MAPKAP1: variants seen among roughly 807,000 people sequenced by gnomAD.
The protein encoded by MAPKAP1 is MAPK associated protein 1, also known as target of rapamycin complex 2 subunit MAPKAP1.
MAPKAP1 carries 20 observed loss-of-function variants against 65.7 expected under a neutral mutation model. That is an observed-to-expected ratio of 0.30 (90% CI 0.21 to 0.44). The LOEUF (loss-of-function observed/expected upper bound fraction) is 0.44, where lower values mean the gene tolerates loss of function less well. MAPKAP1 is among the 20% of genes least tolerant of loss of function. The pLI is 1.00. For missense variants in MAPKAP1, 423 were observed against 648.0 expected, an observed-to-expected ratio of 0.65 and a Z score of 3.77; for synonymous variants, 222 against 244.3, an observed-to-expected ratio of 0.91 and a Z score of 0.85.
At chr9:125,654,629 A>G (rs1833981450) in intron 4 of MAPKAP1, among the ~76,000 whole-genome samples, 2 of 152,320 alleles carry the variant, frequency 1.3e-5, no homozygotes, top group Non-Finnish European at 2.9e-5. Context: ...CTGTTTTAAA[A>G]AGCTTTTTAT....
chr9:125,688,404 C>A (rs986422460), intron 1 of MAPKAP1, among the ~76,000 whole-genome samples: 1 of 152,240 alleles, frequency 6.6e-6, no homozygotes, highest in African/African-American at 2.4e-5. Flanking sequence ...TCCCAAAGTA[C>A]GGGGGTTACA....
intron 10 of MAPKAP1, among the ~76,000 whole-genome samples, chr9:125,458,924 A>C (rs1327919429): frequency 1.9e-5 from 1 of 52,498 alleles, no homozygotes; most frequent in Non-Finnish European, 3.5e-5. Context: ...TGACCCCCCC[A>C]CCTCCCTCCC....
intron 1 of MAPKAP1, among the ~76,000 whole-genome samples, chr9:125,678,344 G>A (rs983250257): frequency 1.3e-5 from 2 of 151,774 alleles, no homozygotes; most frequent in South Asian, 4.2e-4. Context: ...CCGGGTTCAC[G>A]CCACTCTCCT....
At chr9:125,473,265 G>T (rs148587608) in intron 9 of MAPKAP1, among the ~76,000 whole-genome samples, 1 of 152,140 alleles carries the variant, frequency 6.6e-6, no homozygotes, top group African/African-American at 2.4e-5. Context: ...AGAGCACGGG[G>T]GCTGGCCGGG....
chr9:125,700,685 T>A (rs1019226780), intron 1 of MAPKAP1, among the ~76,000 whole-genome samples: 4 of 152,260 alleles, frequency 2.6e-5, no homozygotes, highest in Non-Finnish European at 5.9e-5. Flanking sequence ...CTAGAGTTAA[T>A]AAATTTTGAA....
At chr9:125,480,687 T>C (rs1303098268) in intron 9 of MAPKAP1, among the ~76,000 whole-genome samples, 1 of 152,120 alleles carries the variant, frequency 6.6e-6, no homozygotes, top group Non-Finnish European at 1.5e-5. Context: ...AATATGCTTC[T>C]ATGGGCCGGG....
At chr9:125,585,762 A>G (rs1399296411) in intron 4 of MAPKAP1, 35 bp from the exon 5 acceptor site, 1 of 1,603,912 alleles carries the variant, frequency 6.2e-7, no homozygotes. Flanking sequence ...AGCAAAGCAC[A>G]CTGCCAGTTA....
At chr9:125,646,553 A>T (rs1373371733) in intron 4 of MAPKAP1, among the ~76,000 whole-genome samples, 1 of 152,230 alleles carries the variant, frequency 6.6e-6, no homozygotes, top group Non-Finnish European at 1.5e-5. Flanking sequence ...ATAATGATAA[A>T]ACCTTCCTTA....
chr9:125,453,900 A>G (rs1280716564), intron 10 of MAPKAP1, among the ~76,000 whole-genome samples: 1 of 152,256 alleles, frequency 6.6e-6, no homozygotes, highest in African/African-American at 2.4e-5. Flanking sequence ...TTTTCACCTG[A>G]AAGTTTGAAC....
At chr9:125,527,810 C>T (rs559194388) in intron 7 of MAPKAP1, among the ~76,000 whole-genome samples, 5 of 152,308 alleles carry the variant, frequency 3.3e-5, no homozygotes, top group South Asian at 2.1e-4. Context: ...CACATCATTA[C>T]GGGAATCTGG....
In MAPKAP1 at chr9:125,628,904, AAC is replaced by A. The variant is rs1833190679; in HGVS notation, c.498+28745_498+28746del. ...CAACAACAAGAACAACAACAACAAA[AAC>A]AATTTAAAATGGGCAAAGGACTTGC... On this transcript the variant is annotated intron_variant, in intron 4 of 11. Coordinates refer to ENST00000265960, the MANE Select transcript of MAPKAP1 (RefSeq NM_001006617.3). Among the ~76,000 whole-genome samples the A allele has an allele frequency of 2.6e-5, 4 of 152,282 alleles. No homozygotes were observed. In the South Asian group the frequency reaches 8.3e-4, roughly 32 times the overall value.
In MAPKAP1 at chr9:125,609,480, A is replaced by ATTTG. The variant is rs556292076; in HGVS notation, c.499-23757_499-23754dup. The stretch of plus-strand genomic sequence containing the variant: ...TTTCACCTGCCAAGCTTCTTTATTT[A>ATTTG]TTTGTTTGTTTGTTTGTTTTTAAGA... On this transcript the variant is annotated intron_variant, in intron 4 of 11. Transcript: ENST00000265960. 1.0e-3 allele frequency among the ~76,000 whole-genome samples: 158 copies of ATTTG among 152,148 alleles called. 1 individual carries two copies. The highest frequency in any genetic ancestry group is 4.5e-3 in the Admixed American group (69 of 15,270).
intron 10 of MAPKAP1, among the ~76,000 whole-genome samples, chr9:125,464,204 T>TTTAAA (rs1554805633): frequency 6.0e-5 from 5 of 83,300 alleles, no homozygotes; most frequent in Non-Finnish European, 1.2e-4. Flanking sequence ...TCTCATATAT[T>TTTAAA]AAAAAAAAAA....
intron 1 of MAPKAP1, among the ~76,000 whole-genome samples, chr9:125,680,089 T>TC (rs1834776874): frequency 6.9e-6 from 1 of 144,136 alleles, no homozygotes; most frequent in Admixed American, 6.7e-5. Flanking sequence ...ATGCGAGATT[T>TC]TTTTTTTTTT....
At chr9:125,629,783 AAAAAG>A (rs1833224134) in intron 4 of MAPKAP1, among the ~76,000 whole-genome samples, 1 of 152,200 alleles carries the variant, frequency 6.6e-6, no homozygotes, top group South Asian at 2.1e-4. Flanking sequence ...CTGAAAAATA[AAAAAG>A]AAAAGAAGAC....
intron 1 of MAPKAP1, among the ~76,000 whole-genome samples, chr9:125,696,643 T>G (rs988316348): frequency 6.6e-6 from 1 of 151,948 alleles, no homozygotes; most frequent in Non-Finnish European, 1.5e-5. Flanking sequence ...GCTTATCTAG[T>G]CAGAAGCAGC....
Position 125,693,848 on chromosome 9 carries a change from C to T in MAPKAP1, c.-70+13123G>A, listed in dbSNP as rs7035743. Among the ~76,000 whole-genome samples the T allele has an allele frequency of 1.4e-3, 157 of 110,428 alleles. 1 individual carries two copies. Among genetic ancestry groups the T allele is most frequent in the African/African-American group, 7.5e-3 (107 of 14,214 alleles). 72.4% of individuals were successfully genotyped at this position (110,428 alleles called of 152,430 possible). A position where few individuals can be genotyped will look rare whatever the true frequency, so the allele number is the denominator to read the frequency against. On this transcript the variant is annotated intron_variant, in intron 1 of 11. Coordinates refer to ENST00000265960, the MANE Select transcript of MAPKAP1 (RefSeq NM_001006617.3). ...ACACACACATATATATACACACATA[C>T]ACACACACACACACACACACACACA...
chr9:125,673,375 C>T (rs561028325), intron 1 of MAPKAP1, among the ~76,000 whole-genome samples: 16 of 152,192 alleles, frequency 1.1e-4, no homozygotes, highest in South Asian at 4.1e-4. Flanking sequence ...TACAGGGATG[C>T]GCCACCATGC....
At chr9:125,684,008 T>G (rs538278843) in intron 1 of MAPKAP1, among the ~76,000 whole-genome samples, 15 of 152,344 alleles carry the variant, frequency 9.8e-5, no homozygotes, top group Non-Finnish European at 1.3e-4. Flanking sequence ...AACAGAAGTA[T>G]CTCATCCTTG....
Sources: allele counts gnomAD v4.1 joint callset (sites outside exome capture counted in the v4.1 genomes callset), GRCh38; gene constraint gnomAD v4.1.1; transcripts MANE v1.5; gene names NCBI Gene and HGNC (gene_info 2026-07-23, HGNC 2026-07-21).